FHIT: variants seen among roughly 807,000 people sequenced by gnomAD.
The protein encoded by FHIT is fragile histidine triad diadenosine triphosphatase.
Under a neutral mutation model 17.9 loss-of-function variants are expected in FHIT, and 19 were observed. The observed-to-expected ratio is 1.06, with a 90% CI of 0.74 to 1.56. FHIT has a LOEUF of 1.56. FHIT is among the 40% of genes most tolerant of loss of function. The probability of loss-of-function intolerance (pLI) is 0.00; values close to 1 mark genes in which losing one functional copy is unlikely to be tolerated. For missense variants in FHIT, 248 were observed against 189.2 expected, an observed-to-expected ratio of 1.31 and a Z score of -1.82; for synonymous variants, 81 against 69.7, an observed-to-expected ratio of 1.16 and a Z score of -0.81.
intron 5 of FHIT, among the ~76,000 whole-genome samples, chr3:60,102,013 T>C (rs553785722): frequency 6.6e-6 from 1 of 152,344 alleles, no homozygotes; most frequent in East Asian, 1.9e-4. Context: ...AAAGAATTTT[T>C]GAATGCACCA....
chr3:60,334,823 A>G (rs1442029456), intron 5 of FHIT, among the ~76,000 whole-genome samples: 1 of 152,208 alleles, frequency 6.6e-6, no homozygotes, highest in Non-Finnish European at 1.5e-5. Flanking sequence ...AAACAAAAAA[A>G]CTATATATTG....
At chr3:59,759,739 A>G (rs545532555) in intron 8 of FHIT, among the ~76,000 whole-genome samples, 4 of 152,008 alleles carry the variant, frequency 2.6e-5, no homozygotes, top group Admixed American at 1.3e-4. Flanking sequence ...CCTGCCAGAC[A>G]TGGAGCTTCC....
At chr3:60,861,684 G>C (rs1315967546) in intron 3 of FHIT, among the ~76,000 whole-genome samples, 1 of 151,860 alleles carries the variant, frequency 6.6e-6, no homozygotes, top group Non-Finnish European at 1.5e-5. Context: ...GTCCAGCCCA[G>C]TTTTTTTAGG....
intron 5 of FHIT, among the ~76,000 whole-genome samples, chr3:60,517,544 G>A (rs979504650): frequency 7.2e-5 from 11 of 152,124 alleles, no homozygotes; most frequent in African/African-American, 2.7e-4. Context: ...TCAAAGGGTG[G>A]TCTTCAGTCC....
At chr3:60,007,999 T>A (rs1438160136) in intron 7 of FHIT, among the ~76,000 whole-genome samples, 1 of 152,164 alleles carries the variant, frequency 6.6e-6, no homozygotes, top group African/African-American at 2.4e-5. Flanking sequence ...AGAGCTAGCA[T>A]ATTTTGGGGG....
intron 5 of FHIT, among the ~76,000 whole-genome samples, chr3:60,233,826 C>A (rs1034005811): frequency 6.6e-6 from 1 of 151,996 alleles, no homozygotes; most frequent in African/African-American, 2.4e-5. Context: ...GAAGGGGAGT[C>A]CCCCTGTACA....
At chr3:59,865,922 C>T (rs2106873353) in intron 8 of FHIT, among the ~76,000 whole-genome samples, 1 of 152,328 alleles carries the variant, frequency 6.6e-6, no homozygotes, top group African/African-American at 2.4e-5. Context: ...GTGCCTTCTC[C>T]ATCCTCACTG....
chr3:60,612,097 A>T (rs1034657684), intron 4 of FHIT, among the ~76,000 whole-genome samples: 4 of 152,012 alleles, frequency 2.6e-5, no homozygotes, highest in South Asian at 4.2e-4. Flanking sequence ...CTGACTTCTT[A>T]CCCAAACCTG....
At chr3:60,589,196 C>A (rs1280014932) in intron 4 of FHIT, among the ~76,000 whole-genome samples, 6 of 151,950 alleles carry the variant, frequency 3.9e-5, no homozygotes, top group African/African-American at 1.4e-4. Context: ...AAAAGTATAA[C>A]CCAATGTAAG....
chr3:59,880,699 T>C (rs1343719612), intron 8 of FHIT, among the ~76,000 whole-genome samples: 1 of 152,180 alleles, frequency 6.6e-6, no homozygotes. Flanking sequence ...TGAGATAGTA[T>C]CAGGCATACA....
intron 4 of FHIT, among the ~76,000 whole-genome samples, chr3:60,682,663 G>T (rs113083403): frequency 1.3e-5 from 2 of 152,308 alleles, no homozygotes; most frequent in African/African-American, 4.8e-5. Flanking sequence ...CAAGAGTTCT[G>T]ATGGAGATGT....
chr3:60,772,818 C>T (rs1700089816), intron 4 of FHIT, among the ~76,000 whole-genome samples: 1 of 152,138 alleles, frequency 6.6e-6, no homozygotes, highest in South Asian at 2.1e-4. Context: ...TTTTGCATGT[C>T]TGGCACCCAT....
chr3:60,294,313 C>A (rs1428868975), intron 5 of FHIT, among the ~76,000 whole-genome samples: 1 of 152,078 alleles, frequency 6.6e-6, no homozygotes, highest in Non-Finnish European at 1.5e-5. Flanking sequence ...ATTTGATGCA[C>A]TGAAACATGA....
At chr3:60,323,515 C>T (rs1038073423) in intron 5 of FHIT, among the ~76,000 whole-genome samples, 1 of 152,052 alleles carries the variant, frequency 6.6e-6, no homozygotes, top group Non-Finnish European at 1.5e-5. Context: ...GGTACAACAT[C>T]GCCCTGCAGG....
chr3:59,944,781 G>A (rs903916942), intron 7 of FHIT, among the ~76,000 whole-genome samples: 1 of 152,018 alleles, frequency 6.6e-6, no homozygotes. Flanking sequence ...TGCAGTATTT[G>A]GTTTTCTGTT....
At chr3:60,912,245 G>C (rs573421959) in intron 3 of FHIT, among the ~76,000 whole-genome samples, 1 of 152,308 alleles carries the variant, frequency 6.6e-6, no homozygotes, top group South Asian at 2.1e-4. Context: ...GCTCATGTGT[G>C]CTAGGTTTTT....
chr3:60,811,104 C>T (rs1242003699), intron 4 of FHIT, among the ~76,000 whole-genome samples: 6 of 152,076 alleles, frequency 3.9e-5, no homozygotes, highest in Non-Finnish European at 8.8e-5. Flanking sequence ...AAAAGTCTTT[C>T]GCACAGTTAC....
intron 5 of FHIT, among the ~76,000 whole-genome samples, chr3:60,192,243 T>A (rs999196134): frequency 7.8e-5 from 8 of 103,018 alleles, no homozygotes; most frequent in African/African-American, 2.9e-4. Context: ...AGAGCAACAC[T>A]ATGTCTCAAA....
chr3:60,294,822 T>C (rs1466172981), intron 5 of FHIT, among the ~76,000 whole-genome samples: 2 of 152,186 alleles, frequency 1.3e-5, no homozygotes, highest in Non-Finnish European at 2.9e-5. Context: ...CTTTTTACGC[T>C]CAGTGAAGTT....
Sources: allele counts gnomAD v4.1 joint callset (sites outside exome capture counted in the v4.1 genomes callset), GRCh38; gene constraint gnomAD v4.1.1; transcripts MANE v1.5; gene names NCBI Gene and HGNC (gene_info 2026-07-23, HGNC 2026-07-21).